The following SUPT6H variants were observed in gnomAD, a reference collection of about 807,000 sequenced individuals.
SUPT6H encodes transcription elongation factor SPT6.
In SUPT6H, 11 loss-of-function variants were observed where a neutral mutation model predicts 222.3. That is an observed-to-expected ratio of 0.05 (90% CI 0.03 to 0.08). The LOEUF (loss-of-function observed/expected upper bound fraction) is 0.08. Among genes scored for constraint, SUPT6H ranks in the 10% least tolerant of loss-of-function variants. SUPT6H has a pLI of 1.00. For synonymous variants in SUPT6H, 762 were observed against 801.2 expected (o/e 0.95, Z 0.83); for missense variants, 1,422 against 2,216.0 (o/e 0.64, Z 7.19).
At chr17:28,674,890 A>G (rs995034922) in intron 4 of SUPT6H, 80 bp from the exon 5 acceptor site, 4 of 1,485,344 alleles carry the variant, frequency 2.7e-6, no homozygotes, top group African/African-American at 2.8e-5. Flanking sequence ...TGTGGTGGGA[A>G]GAAGGGAGTG....
At position 28,695,488 on chromosome 17, in the gene SUPT6H, A is replaced by T; in HGVS notation, c.3911A>T (p.Asp1304Val). The change falls in exon 29 of 37, where the codon GAT becomes GTT. Residue 1304 changes from aspartate to valine, a missense_variant. Transcript: ENST00000314616. ...KLPKDTYYDF[D>V]AEAADHKQEE... is the part of the protein sequence containing the mutation. ...CCCAAAGACACCTACTATGACTTTGATGCTGAAGCTGCAGACCACAAGCAG... is the reference window on the plus strand; with the variant it reads ...CCCAAAGACACCTACTATGACTTTGTTGCTGAAGCTGCAGACCACAAGCAG... 1 of 1,614,110 alleles carries T rather than the reference A, an allele frequency of 6.2e-7. No individual in the cohort carries two copies. Among genetic ancestry groups the T allele is most frequent in the Non-Finnish European group, 8.5e-7 (1 of 1,180,030 alleles).
Position 28,690,232 on chromosome 17 carries a change from A to G in SUPT6H, c.3490+3A>G. The G allele has an allele frequency of 1.9e-6, 3 of 1,613,502 alleles. No homozygotes were observed. The highest frequency in any genetic ancestry group is 2.5e-6 in the Non-Finnish European group (3 of 1,179,802). On this transcript the variant is annotated splice_donor_region_variant and intron_variant, in intron 26 of 36. Coordinates refer to ENST00000314616, the MANE Select transcript of SUPT6H (RefSeq NM_003170.5). ...AACACCAGAGACCTTCTACATTGGT[A>G]AATTCTGGGGTCATTTTTTTATTGG...
At chr17:28,679,092 C>G in intron 11 of SUPT6H, 129 bp downstream of exon 11, 11 of 1,241,864 alleles carry the variant, frequency 8.9e-6, no homozygotes, top group South Asian at 1.5e-5. Context: ...AACTTGTCAA[C>G]CAGGCACAGT....
chr17:28,670,535 G>A (rs1046554832), intron 1 of SUPT6H: 1 of 152,076 alleles, frequency 6.6e-6, no homozygotes, highest in African/African-American at 2.4e-5. Context: ...TATATAAAAC[G>A]ATTTTATGGT....
intron 29 of SUPT6H, 125 bp downstream of exon 29, chr17:28,695,672 C>A: frequency 8.9e-7 from 1 of 1,126,526 alleles, no homozygotes; most frequent in Non-Finnish European, 1.3e-6. Context: ...CTTTGAGGTG[C>A]TAAGGCCTGG....
rs758850291 is a variant in SUPT6H, at chr17:28,676,199, C to G, written c.666C>G (p.Asp222Glu). The G allele has an allele frequency of 5.6e-6, 9 of 1,609,590 alleles. No homozygotes were observed. Among genetic ancestry groups the G allele is most frequent in the Non-Finnish European group, 7.6e-6 (9 of 1,177,910 alleles). ...AGGAAATCTTCGGTGTGGACTTTGACTATGATGAATTTGAGAAATACAATG... is the reference window on the plus strand; with the variant it reads ...AGGAAATCTTCGGTGTGGACTTTGAGTATGATGAATTTGAGAAATACAATG... ...EAQEIFGVDF[D>E]YDEFEKYNEY... The change falls in exon 7 of 37, where the codon GAC becomes GAG. Residue 222 changes from aspartate (D) to glutamate (E), a missense_variant. By Grantham distance (45) the Asp-to-Glu change is conservative (BLOSUM62 2). Coordinates refer to ENST00000314616, the MANE Select transcript of SUPT6H (RefSeq NM_003170.5).
rs756536549 is a variant in SUPT6H, at chr17:28,673,449, C to T, written c.48C>T (p.Tyr16=). 9 of 1,614,006 alleles carry T rather than the reference C, an allele frequency of 5.6e-6. No homozygotes were observed. In the East Asian group the frequency reaches 2.0e-4, roughly 36 times the overall value. ...ESEAEESEEE[Y]NDEGEVVPRV... is the part of the protein sequence containing the mutation. ...AGGCTGAGGAGTCAGAGGAAGAATA[C>T]AATGATGAAGGCGAGGTGGTACCCC... The change falls in exon 2 of 37, where the codon TAC becomes TAT. Residue 16 remains tyrosine (Y), a synonymous_variant. Transcript: ENST00000314616.
intron 27 of SUPT6H, among the ~76,000 whole-genome samples, chr17:28,692,596 A>C (rs1006678826): frequency 1.4e-5 from 2 of 148,086 alleles, no homozygotes; most frequent in African/African-American, 5.0e-5. Flanking sequence ...GATGGGGCAC[A>C]GTCACACCAG....
intron 27 of SUPT6H, among the ~76,000 whole-genome samples, chr17:28,692,249 G>A (rs1390791699): frequency 6.7e-6 from 1 of 150,116 alleles, no homozygotes; most frequent in African/African-American, 2.5e-5. Flanking sequence ...GTGTGAACCC[G>A]GGAGGCGGAG....
At chr17:28,670,220 C>G (rs1013677530) in intron 1 of SUPT6H, 4 of 152,202 alleles carry the variant, frequency 2.6e-5, no homozygotes, top group African/African-American at 9.7e-5. Context: ...TCACCTTGAA[C>G]AAATGACTAC....
chr17:28,700,368 C>T lies in SUPT6H; in HGVS notation c.4662C>T (p.Ala1554=). ...NLADLTRAVN[A]LPQNMTSQMF... Reference sequence around the variant, plus strand: ...CAGATCTGACACGGGCTGTGAATGCCCTGCCTCAGAACATGACTTCACAGA... The same window carrying T: ...CAGATCTGACACGGGCTGTGAATGCTCTGCCTCAGAACATGACTTCACAGA... The change falls in exon 35 of 37, where the codon GCC becomes GCT. Residue 1554 remains alanine, a synonymous_variant. Coordinates refer to ENST00000314616, the MANE Select transcript of SUPT6H (RefSeq NM_003170.5). The T allele has an allele frequency of 1.2e-6, 2 of 1,614,240 alleles. No homozygotes were observed. Among genetic ancestry groups the T allele is most frequent in the Non-Finnish European group, 1.7e-6 (2 of 1,180,044 alleles).
At position 28,701,030 on chromosome 17, in the gene SUPT6H, C is replaced by T; in HGVS notation, c.4896C>T (p.Thr1632=). Reference sequence around the variant, plus strand: ...CGACCCCAAGCCAGCCCATCACCACCCCTCAGTACCACCAGCTCCAGGCCA... The same window carrying T: ...CGACCCCAAGCCAGCCCATCACCACTCCTCAGTACCACCAGCTCCAGGCCA... The part of the protein sequence containing the change: ...SYTTPSQPIT[T]PQYHQLQAST... Residue 1632 remains threonine (T), a synonymous_variant, in exon 36 of 37, where the codon ACC becomes ACT. Transcript: ENST00000314616. The T allele has an allele frequency of 6.2e-7, 1 of 1,614,176 alleles. No homozygotes were observed. The highest frequency in any genetic ancestry group is 8.5e-7 in the Non-Finnish European group (1 of 1,180,002).
At position 28,675,460 on chromosome 17, in the gene SUPT6H, A is replaced by C. The variant is rs2030689468; in HGVS notation, c.598A>C (p.Lys200Gln). 1 of 1,613,974 alleles carries C rather than the reference A, an allele frequency of 6.2e-7. No homozygotes were observed. Among genetic ancestry groups the C allele is most frequent in the Non-Finnish European group, 8.5e-7 (1 of 1,179,958 alleles). ...GQPLKKPKWR[K>Q]KLPGYTDAAL... is the part of the protein sequence containing the mutation. ...GCCTCTGAAAAAACCTAAGTGGCGGAAAAAGCTTCCTGGATACACAGACGC... is the reference window on the plus strand; with the variant it reads ...GCCTCTGAAAAAACCTAAGTGGCGGCAAAAGCTTCCTGGATACACAGACGC... The change falls in exon 6 of 37, where the codon AAA becomes CAA. Residue 200 changes from lysine to glutamine, a missense_variant. Physicochemically the swap from Lys to Gln is moderately conservative, Grantham distance 53. Coordinates refer to ENST00000314616, the MANE Select transcript of SUPT6H (RefSeq NM_003170.5).
chr17:28,677,741 T>G lies in SUPT6H; in HGVS notation c.924T>G (p.Ala308=). The G allele has an allele frequency of 6.2e-7, 1 of 1,614,212 alleles. No individual in the cohort carries two copies. The highest frequency in any genetic ancestry group is 8.5e-7 in the Non-Finnish European group (1 of 1,180,028). The change falls in exon 8 of 37, where the codon GCT becomes GCG. Residue 308 remains alanine (A), a synonymous_variant. Coordinates refer to ENST00000314616, the MANE Select transcript of SUPT6H (RefSeq NM_003170.5). ...TCCGCTCCATCCCAGTCAAGGGGGC[T>G]GAAGATGATGAACTAGAAGAAGAAG... is the stretch of plus-strand genomic sequence containing the variant. The part of the protein sequence containing the change: ...FQLRSIPVKG[A]EDDELEEEAD...
rs774000456 is a variant in SUPT6H at position 28,675,367 on chromosome 17, ACT to A, written c.539-31_539-30del. ...CAATTTAGTCCTGGCTCAGCCCCTG[ACT>A]CTGAGCCCCAACCCATCCTTTTCCT... On this transcript the variant is annotated intron_variant, in intron 5 of 36. Coordinates refer to ENST00000314616, the MANE Select transcript of SUPT6H (RefSeq NM_003170.5). The A allele has an allele frequency of 1.3e-5, 21 of 1,606,792 alleles. No individual in the cohort carries two copies. In the African/African-American group the frequency reaches 2.4e-4, roughly 18 times the overall value.
chr17:28,697,601 C>CTT lies in SUPT6H; in HGVS notation c.4210-17_4210-16dup. The CTT allele has an allele frequency of 6.2e-7, 1 of 1,605,508 alleles. No individual in the cohort carries two copies. The highest frequency in any genetic ancestry group is 8.5e-7 in the Non-Finnish European group (1 of 1,172,496). On this transcript the variant is annotated intron_variant, in intron 30 of 36. Transcript: ENST00000314616. ...CAGCTCTGGATATGACACATGGGGCCTTTACCTTCTTCCCACAGGAATTCG... is the reference window on the plus strand; with the variant it reads ...CAGCTCTGGATATGACACATGGGGCCTTTTTACCTTCTTCCCACAGGAATTCG...
intron 31 of SUPT6H, 21 bp from the exon 32 acceptor site, chr17:28,697,885 T>C (rs758390394): frequency 6.2e-7 from 1 of 1,612,406 alleles, no homozygotes. Flanking sequence ...TCCCAACCTC[T>C]CCCCCTCATT....
chr17:28,696,372 G>A (rs1318183382), intron 29 of SUPT6H, among the ~76,000 whole-genome samples: 1 of 151,210 alleles, frequency 6.6e-6, no homozygotes, highest in South Asian at 2.1e-4. Context: ...TGAGGCAGGC[G>A]GGTCGCTTGA....
intron 1 of SUPT6H, chr17:28,670,161 C>CA (rs2030330620): frequency 6.6e-6 from 1 of 152,200 alleles, no homozygotes; most frequent in Admixed American, 6.5e-5. Flanking sequence ...GTGGTACTGT[C>CA]AACCATGAAG....
Sources: gnomAD v4.1 joint callset for allele counts (sites outside exome capture counted in the v4.1 genomes callset) on GRCh38, gnomAD v4.1.1 for gene constraint, MANE v1.5 for transcripts, NCBI Gene and HGNC (gene_info 2026-07-23, HGNC 2026-07-21) for gene names.